Variants in PKIB observed in about 807,000 individuals in gnomAD.
PKIB encodes PKI-beta.
In PKIB, 2 loss-of-function variants were observed where a neutral mutation model predicts 4.5. That is an observed-to-expected ratio of 0.44 (90% CI 0.18 to 1.39). The LOEUF (loss-of-function observed/expected upper bound fraction) is 1.39. PKIB is among the 40% of genes most tolerant of loss of function. PKIB has a pLI of 0.27. For missense variants in PKIB, 94 were observed against 92.6 expected (o/e 1.02, Z -0.06); for synonymous variants, 38 against 36.0 (o/e 1.06, Z -0.20).
At chr6:122,701,515 C>T (rs776064761) in intron 3 of PKIB, 17 of 1,593,548 alleles carry the variant, frequency 1.1e-5, no homozygotes, top group Non-Finnish European at 1.5e-5. Context: ...AGTTAACAAC[C>T]ATTTTCTTCT....
At chr6:122,722,289 T>G (rs1469014454) in intron 4 of PKIB, among the ~76,000 whole-genome samples, 2 of 152,160 alleles carry the variant, frequency 1.3e-5, no homozygotes, top group Admixed American at 6.5e-5. Context: ...ACTTTCACAT[T>G]ACAAAGCAAA....
chr6:122,709,057 A>G (rs980383506), intron 3 of PKIB, among the ~76,000 whole-genome samples: 1 of 152,240 alleles, frequency 6.6e-6, no homozygotes, highest in Non-Finnish European at 1.5e-5. Context: ...ATAAATTTAT[A>G]TGACTGATAT....
intron 2 of PKIB, among the ~76,000 whole-genome samples, chr6:122,653,549 G>GC (rs1776650806): frequency 6.7e-6 from 1 of 149,970 alleles, no homozygotes; most frequent in African/African-American, 2.5e-5. Flanking sequence ...GGTGGGGCGG[G>GC]ATGAGGTGGG....
chr6:122,498,881 A>G lies in PKIB; in HGVS notation c.-248+20942A>G, dbSNP rs536721821. Among the ~76,000 whole-genome samples, 3 of 152,340 alleles carry G rather than the reference A, an allele frequency of 2.0e-5. No homozygotes were observed. In the South Asian group the frequency reaches 6.2e-4, roughly 32 times the overall value. On this transcript the variant is annotated intron_variant, in intron 2 of 6. Coordinates refer to the PKIB transcript ENST00000392491. ...CTTAATCAGAAATGCCAAAGGCAACATTAGAACTGATCTTATGGAAATACA... is the reference window on the plus strand; with the variant it reads ...CTTAATCAGAAATGCCAAAGGCAACGTTAGAACTGATCTTATGGAAATACA...
intron 3 of PKIB, among the ~76,000 whole-genome samples, chr6:122,684,895 G>A (rs1198132262): frequency 1.3e-5 from 2 of 152,108 alleles, no homozygotes; most frequent in African/African-American, 4.8e-5. Context: ...AAATAAACTG[G>A]ATAAGGTATG....
At chr6:122,646,267 T>C (rs1043575400) in intron 2 of PKIB, among the ~76,000 whole-genome samples, 3 of 152,188 alleles carry the variant, frequency 2.0e-5, no homozygotes, top group African/African-American at 7.2e-5. Flanking sequence ...TAACTGGCTT[T>C]TTCCCTGACA....
At chr6:122,642,129 G>C (rs1776145383) in intron 2 of PKIB, among the ~76,000 whole-genome samples, 1 of 152,158 alleles carries the variant, frequency 6.6e-6, no homozygotes, top group Non-Finnish European at 1.5e-5. Flanking sequence ...TTTTTACTTT[G>C]TTTCCATGTT....
intron 2 of PKIB, among the ~76,000 whole-genome samples, chr6:122,555,422 G>C (rs1180105805): frequency 2.0e-5 from 3 of 152,196 alleles, no homozygotes; most frequent in African/African-American, 7.2e-5. Flanking sequence ...GAGGTTTTTG[G>C]CTATGAGTTG....
intron 3 of PKIB, among the ~76,000 whole-genome samples, chr6:122,590,971 G>C (rs751588804): frequency 3.9e-5 from 6 of 151,942 alleles, no homozygotes; most frequent in Non-Finnish European, 7.4e-5. Flanking sequence ...GGTTTCTTTA[G>C]AATTGCCCTT....
chr6:122,562,657 A>T (rs974288475), intron 2 of PKIB, among the ~76,000 whole-genome samples: 1 of 152,020 alleles, frequency 6.6e-6, no homozygotes, highest in African/African-American at 2.4e-5. Context: ...ATATTTTCTT[A>T]TTCTTTTTTC....
intron 2 of PKIB, among the ~76,000 whole-genome samples, chr6:122,669,828 C>A (rs1199644536): frequency 1.3e-5 from 2 of 152,098 alleles, no homozygotes; most frequent in Admixed American, 1.3e-4. Context: ...TCACCACATT[C>A]CATGGATTTT....
chr6:122,705,499 A>G (rs909428546), intron 3 of PKIB, among the ~76,000 whole-genome samples: 1 of 150,986 alleles, frequency 6.6e-6, no homozygotes, highest in African/African-American at 2.4e-5. Flanking sequence ...TGATTTAAAA[A>G]CTTCACCTTT....
At chr6:122,556,542 T>C (rs1772847197) in intron 2 of PKIB, among the ~76,000 whole-genome samples, 1 of 152,180 alleles carries the variant, frequency 6.6e-6, no homozygotes, top group African/African-American at 2.4e-5. Flanking sequence ...AAGAAGGCTC[T>C]GTATAAGGTC....
chr6:122,630,735 A>G (rs1775661332), intron 1 of PKIB, among the ~76,000 whole-genome samples: 1 of 152,208 alleles, frequency 6.6e-6, no homozygotes, highest in South Asian at 2.1e-4. Context: ...CATCAGCCTG[A>G]TAAAATCGGT....
chr6:122,656,008 C>T (rs1169205993), intron 2 of PKIB, among the ~76,000 whole-genome samples: 1 of 151,850 alleles, frequency 6.6e-6, no homozygotes, highest in Non-Finnish European at 1.5e-5. Flanking sequence ...TTTTTTCTCC[C>T]CTTGATAATA....
At chr6:122,648,762 C>T (rs1776424738) in intron 2 of PKIB, among the ~76,000 whole-genome samples, 1 of 152,206 alleles carries the variant, frequency 6.6e-6, no homozygotes, top group Non-Finnish European at 1.5e-5. Flanking sequence ...GAAGAAGTCT[C>T]ATACAATCAA....
At position 122,553,481 on chromosome 6, in the gene PKIB, CTTTTTTTTT is replaced by C. The variant is rs533553939; in HGVS notation, c.-247-32426_-247-32418del. Among the ~76,000 whole-genome samples, 417 of 65,822 alleles carry C rather than the reference CTTTTTTTTT, an allele frequency of 6.3e-3. 20 individuals are homozygous for C. The highest frequency in any genetic ancestry group is 0.024 in the African/African-American group (409 of 16,956). 43.2% of individuals were successfully genotyped at this position (65,822 alleles called of 152,430 possible). A position where few individuals can be genotyped will look rare whatever the true frequency, so the allele number is the denominator to read the frequency against. On this transcript the variant is annotated intron_variant, in intron 2 of 6. Transcript: ENST00000392491. ...TCTCTCAAGATTGCTCAAATATCTT[CTTTTTTTTT>C]TTTTTTTTTTTTTCTGAAAAAGGCT...
At chr6:122,642,819 A>G (rs1467447576) in intron 2 of PKIB, among the ~76,000 whole-genome samples, 1 of 152,188 alleles carries the variant, frequency 6.6e-6, no homozygotes, top group Non-Finnish European at 1.5e-5. Flanking sequence ...CAGGCCTGCA[A>G]TTTCCTTTAC....
chr6:122,537,799 G>A (rs1777452970), intron 2 of PKIB, among the ~76,000 whole-genome samples: 1 of 152,080 alleles, frequency 6.6e-6, no homozygotes, highest in Non-Finnish European at 1.5e-5. Context: ...CACCAACAGT[G>A]TAAAAGTGTT....
Sources: allele counts gnomAD v4.1 joint callset (sites outside exome capture counted in the v4.1 genomes callset), GRCh38; gene constraint gnomAD v4.1.1; transcripts MANE v1.5; gene names NCBI Gene and HGNC (gene_info 2026-07-23, HGNC 2026-07-21).